CDH8: variants seen among roughly 807,000 people sequenced by gnomAD.
The protein encoded by CDH8 is cadherin-8.
Under a neutral mutation model 68.1 loss-of-function variants are expected in CDH8, and 17 were observed. The observed-to-expected ratio is 0.25, with a 90% CI of 0.17 to 0.37. The LOEUF (loss-of-function observed/expected upper bound fraction) is 0.37, where lower values mean the gene tolerates loss of function less well. Ranked by LOEUF, CDH8 falls within the 10% of genes least tolerant of loss-of-function variation. The probability of loss-of-function intolerance (pLI) is 1.00; values close to 1 mark genes in which losing one functional copy is unlikely to be tolerated. For missense variants in CDH8, 763 were observed against 999.3 expected, an observed-to-expected ratio of 0.76 and a Z score of 3.19; for synonymous variants, 372 against 365.1, an observed-to-expected ratio of 1.02 and a Z score of -0.21.
chr16:61,713,562 A>C (rs2142868578), intron 10 of CDH8, among the ~76,000 whole-genome samples: 1 of 151,792 alleles, frequency 6.6e-6, no homozygotes, highest in East Asian at 1.9e-4. Flanking sequence ...GGAAGCTTTC[A>C]CAGGGGTTAA....
intron 3 of CDH8, among the ~76,000 whole-genome samples, chr16:61,880,331 G>A (rs1230892194): frequency 3.3e-5 from 5 of 152,310 alleles, no homozygotes; most frequent in East Asian, 1.9e-4. Flanking sequence ...ATATGTGGAG[G>A]TTCTGAAGCC....
chr16:61,723,309 T>C (rs555896143), intron 9 of CDH8, among the ~76,000 whole-genome samples: 1 of 150,796 alleles, frequency 6.6e-6, no homozygotes, highest in Non-Finnish European at 1.5e-5. Flanking sequence ...GTCAAGTATA[T>C]TGAAGGAAGA....
At chr16:61,990,210 CAGATT>C (rs1417200416) in intron 2 of CDH8, among the ~76,000 whole-genome samples, 2 of 149,186 alleles carry the variant, frequency 1.3e-5, no homozygotes, top group Non-Finnish European at 3.0e-5. Context: ...CCTATTATAA[CAGATT>C]AGAGAAAGGG....
intron 2 of CDH8, among the ~76,000 whole-genome samples, chr16:61,951,512 C>CAA (rs574416496): frequency 0.023 from 1,659 of 72,834 alleles, 48 homozygotes; most frequent in African/African-American, 0.065. Context: ...GACTCCGTCT[C>CAA]AAAAAAAAAA....
At chr16:61,926,063 T>TGAGATTCA (rs1318550230) in intron 2 of CDH8, among the ~76,000 whole-genome samples, 1 of 152,088 alleles carries the variant, frequency 6.6e-6, no homozygotes, top group African/African-American at 2.4e-5. Context: ...ATGAGAAATC[T>TGAGATTCA]GAGATTCAGA....
At chr16:61,739,597 A>G (rs1959802284) in intron 8 of CDH8, among the ~76,000 whole-genome samples, 1 of 151,814 alleles carries the variant, frequency 6.6e-6, no homozygotes, top group African/African-American at 2.4e-5. Context: ...ATTACTTTCA[A>G]TGGAAAAACT....
intron 8 of CDH8, among the ~76,000 whole-genome samples, chr16:61,769,726 C>T (rs868781553): frequency 6.6e-5 from 10 of 151,772 alleles, no homozygotes; most frequent in South Asian, 2.1e-4. Flanking sequence ...AATTATAGTA[C>T]GTGAACATTA....
intron 8 of CDH8, among the ~76,000 whole-genome samples, chr16:61,757,722 CA>C (rs760001912): frequency 5.3e-5 from 8 of 152,112 alleles, no homozygotes; most frequent in Non-Finnish European, 1.0e-4. Context: ...CTTGGAAAGG[CA>C]GTGATGGCCA....
intron 2 of CDH8, among the ~76,000 whole-genome samples, chr16:61,923,221 C>G (rs1045031681): frequency 6.6e-6 from 1 of 152,122 alleles, no homozygotes; most frequent in African/African-American, 2.4e-5. Flanking sequence ...TGGCCATGAA[C>G]AAAATTAGAT....
At chr16:61,947,835 T>C (rs1964824027) in intron 2 of CDH8, among the ~76,000 whole-genome samples, 2 of 152,194 alleles carry the variant, frequency 1.3e-5, no homozygotes, top group African/African-American at 2.4e-5. Context: ...ATTAGGGCTC[T>C]GTTCTCAAAT....
intron 2 of CDH8, among the ~76,000 whole-genome samples, chr16:61,975,482 T>G (rs1189839645): frequency 6.6e-6 from 1 of 152,176 alleles, no homozygotes; most frequent in Non-Finnish European, 1.5e-5. Context: ...TGCCATAGGC[T>G]AAGCACAGGG....
At chr16:62,034,180 A>C (rs6498822) in intron 1 of CDH8, among the ~76,000 whole-genome samples, 133,183 of 151,558 alleles carry the variant, frequency 0.88, 58,836 homozygotes, top group East Asian at 1. Context: ...TCATATATAT[A>C]TCTCTCTCTC....
chr16:61,907,546 G>A (rs1479611954), intron 2 of CDH8, among the ~76,000 whole-genome samples: 1 of 151,976 alleles, frequency 6.6e-6, no homozygotes, highest in Non-Finnish European at 1.5e-5. Context: ...TGGGCATGGT[G>A]GTGCACGCCT....
chr16:61,852,997 T>C (rs1180542184), intron 4 of CDH8, among the ~76,000 whole-genome samples: 5 of 151,942 alleles, frequency 3.3e-5, no homozygotes, highest in Admixed American at 6.6e-5. Context: ...TAGGAATGCA[T>C]AGATTTGCAA....
chr16:61,825,911 C>T lies in CDH8; in HGVS notation c.668-732G>A, dbSNP rs373660933. 4.0e-4 allele frequency among the ~76,000 whole-genome samples: 61 copies of T among 151,872 alleles called. No individual in the cohort carries two copies. In the South Asian group the frequency reaches 0.01, roughly 26 times the overall value. ...GTTTTTTCTTCTGATATATATTCAG[C>T]GTTTCATGTGGGTTTGTCTGTTTGT... On this transcript the variant is annotated intron_variant, in intron 4 of 11. Coordinates refer to ENST00000577390, the MANE Select transcript of CDH8 (RefSeq NM_001796.5).
At chr16:61,912,851 C>A (rs1026053976) in intron 2 of CDH8, among the ~76,000 whole-genome samples, 1 of 152,086 alleles carries the variant, frequency 6.6e-6, no homozygotes, top group Admixed American at 6.6e-5. Flanking sequence ...AATATCATTA[C>A]CCCATATAGC....
intron 7 of CDH8, among the ~76,000 whole-genome samples, chr16:61,814,253 A>G (rs970429337): frequency 6.6e-6 from 1 of 152,176 alleles, no homozygotes; most frequent in Non-Finnish European, 1.5e-5. Flanking sequence ...CTAAATTCAA[A>G]ATATGTCATA....
chr16:61,949,812 T>C (rs1478307275), intron 2 of CDH8, among the ~76,000 whole-genome samples: 1 of 151,816 alleles, frequency 6.6e-6, no homozygotes, highest in African/African-American at 2.4e-5. Flanking sequence ...CAAAACCCCA[T>C]CTCTACTAAA....
intron 10 of CDH8, among the ~76,000 whole-genome samples, chr16:61,688,331 G>A (rs1006962796): frequency 1.3e-5 from 2 of 151,926 alleles, no homozygotes; most frequent in Non-Finnish European, 1.5e-5. Context: ...GAAGGACACC[G>A]GCTTTCTTTA....
Sources: gnomAD v4.1 joint callset for allele counts (sites outside exome capture counted in the v4.1 genomes callset) on GRCh38, gnomAD v4.1.1 for gene constraint, MANE v1.5 for transcripts, NCBI Gene and HGNC (gene_info 2026-07-23, HGNC 2026-07-21) for gene names.